C1GALT1: variants seen among roughly 807,000 people sequenced by gnomAD.
C1GALT1 encodes the protein core 1 synthase, glycoprotein-N-acetylgalactosamine 3-beta-galactosyltransferase 1.
A neutral mutation model predicts 31.0 loss-of-function variants in C1GALT1; 11 were observed. The ratio of observed to expected loss-of-function variants is 0.36; its 90% CI spans 0.22 to 0.59. The LOEUF is 0.59. Among genes scored for constraint, C1GALT1 ranks in the 20% least tolerant of loss-of-function variants. The pLI, the probability that C1GALT1 is intolerant of heterozygous loss-of-function variation, is 0.79. For missense variants in C1GALT1, 424 were observed against 425.2 expected (o/e 1.00, Z 0.03); for synonymous variants, 175 against 143.6 (o/e 1.22, Z -1.56).
rs146210848 is a variant in C1GALT1 at position 7,218,537 on chromosome 7, G to A, written c.-17-15766G>A. On this transcript the variant is annotated intron_variant, in intron 1 of 3. Coordinates refer to ENST00000436587, the MANE Select transcript of C1GALT1 (RefSeq NM_020156.5). ...GTAGAGATATTAGATTTGGGGGTGG[G>A]GGATGAATAAGGTGAGCTGCTTTGC... 1.0e-3 allele frequency among the ~76,000 whole-genome samples: 156 copies of A among 152,168 alleles called. 1 individual carries two copies. The highest frequency in any genetic ancestry group is 3.6e-3 in the African/African-American group (148 of 41,502).
chr7:7,168,245 G>A (rs931657729), intron 2 of C1GALT1, among the ~76,000 whole-genome samples: 1 of 152,216 alleles, frequency 6.6e-6, no homozygotes, highest in Admixed American at 6.5e-5. Flanking sequence ...CTGAAGAGGA[G>A]GGAGGGGCTG....
intron 1 of C1GALT1, among the ~76,000 whole-genome samples, chr7:7,195,784 A>G (rs570636278): frequency 1.9e-4 from 29 of 152,258 alleles, no homozygotes; most frequent in African/African-American, 6.7e-4. Flanking sequence ...GTCCCCCACT[A>G]TTACTGTGTT....
At chr7:7,175,867 A>G (rs1403959577) in intron 2 of C1GALT1, among the ~76,000 whole-genome samples, 1 of 151,534 alleles carries the variant, frequency 6.6e-6, no homozygotes, top group Non-Finnish European at 1.5e-5. Flanking sequence ...TAATGGGGAG[A>G]GAGAACTCTT....
intron 2 of C1GALT1, among the ~76,000 whole-genome samples, chr7:7,169,382 A>G (rs1392918479): frequency 6.6e-6 from 1 of 152,152 alleles, no homozygotes; most frequent in Non-Finnish European, 1.5e-5. Flanking sequence ...TCAGAGCCAA[A>G]CTGCTGGGTT....
chr7:7,200,000 CCAGTTTGT>C (rs1281080821), intron 1 of C1GALT1, among the ~76,000 whole-genome samples: 1 of 152,114 alleles, frequency 6.6e-6, no homozygotes, highest in Non-Finnish European at 1.5e-5. Flanking sequence ...ATCCAGTTTG[CCAGTTTGT>C]GTCTTTTAAT....
At chr7:7,205,259 C>A (rs564809871) in intron 1 of C1GALT1, among the ~76,000 whole-genome samples, 9 of 152,252 alleles carry the variant, frequency 5.9e-5, no homozygotes, top group Admixed American at 3.9e-4. Context: ...CTATCCCCCC[C>A]ACGGAAATCT....
Position 7,238,608 on chromosome 7 carries a change from A to G in C1GALT1, c.574A>G (p.Ile192Val). The G allele has an allele frequency of 6.2e-7, 1 of 1,614,132 alleles. No individual in the cohort carries two copies. Among genetic ancestry groups the G allele is most frequent in the Non-Finnish European group, 8.5e-7 (1 of 1,179,978 alleles). ...LLSKYDPEEP[I>V]YFGRRFKPYV... ...TTCAAAATACGACCCTGAAGAACCC[A>G]TTTACTTTGGGAGAAGATTTAAGCC... Residue 192 changes from isoleucine to valine, a missense_variant, in exon 3 of 4, where the codon ATT becomes GTT. Ile to Val is a conservative substitution (Grantham distance 29). This residue lies in a region of C1GALT1 where 44 missense variants were observed against 78.3 expected (regional missense o/e 0.56). Coordinates refer to ENST00000436587, the MANE Select transcript of C1GALT1 (RefSeq NM_020156.5). The surrounding 1 kb of genome is among the most constrained non-coding windows in gnomAD (Gnocchi z 5.2).
intron 1 of C1GALT1, among the ~76,000 whole-genome samples, chr7:7,204,665 T>A (rs183540103): frequency 7.5e-4 from 114 of 152,272 alleles, no homozygotes; most frequent in African/African-American, 2.6e-3. Flanking sequence ...TTGAGAACTT[T>A]CTTTTTGTTT....
chr7:7,221,744 T>C (rs571410158), intron 1 of C1GALT1, among the ~76,000 whole-genome samples: 1 of 152,352 alleles, frequency 6.6e-6, no homozygotes, highest in Admixed American at 6.5e-5. Context: ...ATGATGCCAG[T>C]GCTCTCTCCA....
At chr7:7,157,960 A>G (rs1285157956) in intron 2 of C1GALT1, among the ~76,000 whole-genome samples, 1 of 152,184 alleles carries the variant, frequency 6.6e-6, no homozygotes, top group Non-Finnish European at 1.5e-5. Flanking sequence ...CTCAGTCAGA[A>G]TGCCTCCTTT....
At chr7:7,224,892 A>G (rs1446628212) in intron 1 of C1GALT1, among the ~76,000 whole-genome samples, 1 of 152,014 alleles carries the variant, frequency 6.6e-6, no homozygotes, top group African/African-American at 2.4e-5. Flanking sequence ...ATTTAAGTGT[A>G]TTAAGCGTAT....
In C1GALT1 at chr7:7,246,514, G is replaced by A. The variant is rs892757345; in HGVS notation, c.*2787G>A. 9 of 152,116 alleles carry A rather than the reference G, an allele frequency of 5.9e-5. No individual in the cohort carries two copies. Among genetic ancestry groups the A allele is most frequent in the Non-Finnish European group, 1.3e-4 (9 of 67,998 alleles). The allele number at this position is 152,116 out of a possible 1,614,324, so 9.4% of individuals were successfully genotyped here. On this transcript the variant is annotated 3_prime_UTR_variant, in exon 4 of 4. Coordinates refer to ENST00000436587, the MANE Select transcript of C1GALT1 (RefSeq NM_020156.5). ...CTCAGAAATTCAAATTTAAGCATGG[G>A]GCCCAAGAGTATGCATTCTTACCAG...
At chr7:7,217,316 G>A (rs1312638276) in intron 1 of C1GALT1, among the ~76,000 whole-genome samples, 3 of 152,064 alleles carry the variant, frequency 2.0e-5, no homozygotes, top group African/African-American at 4.8e-5. Flanking sequence ...GGGGAGCTGA[G>A]GGGGTGGGGG....
chr7:7,229,052 T>A (rs1213539319), intron 1 of C1GALT1, among the ~76,000 whole-genome samples: 8 of 121,906 alleles, frequency 6.6e-5, no homozygotes, highest in Admixed American at 4.7e-4. Flanking sequence ...GATATCCATA[T>A]GATGATAGAA....
Position 7,245,287 on chromosome 7 carries a change from C to T in C1GALT1, c.*1560C>T, listed in dbSNP as rs1233270477. Reference sequence around the variant, plus strand: ...GGCTGGACTGCAGTGGTGCGATTCTCCTGCCTCAGCCTCCCGAGTAGCGGG... The same window carrying T: ...GGCTGGACTGCAGTGGTGCGATTCTTCTGCCTCAGCCTCCCGAGTAGCGGG... On this transcript the variant is annotated 3_prime_UTR_variant, in exon 4 of 4. Transcript: ENST00000436587. The T allele has an allele frequency of 6.6e-6, 1 of 152,300 alleles. No individual in the cohort carries two copies. The highest frequency in any genetic ancestry group is 2.4e-5 in the African/African-American group (1 of 41,472). 9.4% of individuals were successfully genotyped at this position (152,300 alleles called of 1,614,324 possible). A position where few individuals can be genotyped will look rare whatever the true frequency, so the allele number is the denominator to read the frequency against.
intron 1 of C1GALT1, among the ~76,000 whole-genome samples, chr7:7,194,229 A>G (rs1019942782): frequency 6.6e-6 from 1 of 152,060 alleles, no homozygotes; most frequent in Non-Finnish European, 1.5e-5. Flanking sequence ...AAGTAGTGAG[A>G]CTGGGCATCC....
intron 2 of C1GALT1, among the ~76,000 whole-genome samples, chr7:7,157,727 T>C (rs1237036278): frequency 3.9e-5 from 6 of 152,176 alleles, no homozygotes; most frequent in Admixed American, 3.3e-4. Context: ...GTTGCCAACA[T>C]TCTTATATTG....
At chr7:7,182,951 C>T (rs1314984583) in intron 1 of C1GALT1, 131 bp downstream of exon 1, 4 of 647,034 alleles carry the variant, frequency 6.2e-6, no homozygotes, top group Middle Eastern at 7.8e-4. Flanking sequence ...ACAGGTGTCT[C>T]GGGGTCAAAG....
At chr7:7,178,807 A>C (rs1780536296), upstream of C1GALT1, among the ~76,000 whole-genome samples, 2 of 152,244 alleles carry the variant, frequency 1.3e-5, no homozygotes, top group African/African-American at 4.8e-5. Context: ...TATTATATCC[A>C]GCTGTATGAG....
Sources: gnomAD v4.1 joint callset for allele counts (sites outside exome capture counted in the v4.1 genomes callset) on GRCh38, gnomAD v4.1.1 for gene constraint, gnomAD v4.1.1 regional missense constraint, Gnocchi (gnomAD v3.1) non-coding constraint, MANE v1.5 for transcripts, NCBI Gene and HGNC (gene_info 2026-07-23, HGNC 2026-07-21) for gene names.